The following SLC5A4 variants were observed in gnomAD, a reference collection of about 807,000 sequenced individuals.
SLC5A4 encodes the protein probable glucose sensor protein SLC5A4.
SLC5A4 carries 55 observed loss-of-function variants against 70.3 expected under a neutral mutation model. The ratio of observed to expected loss-of-function variants is 0.78; its 90% CI spans 0.63 to 0.98. The LOEUF is 0.98. Ranked by LOEUF, SLC5A4 falls within the 50% of genes least tolerant of loss-of-function variation. SLC5A4 has a pLI of 0.00. For missense variants in SLC5A4, 735 were observed against 839.2 expected (o/e 0.88, Z 1.53); for synonymous variants, 268 against 305.7 (o/e 0.88, Z 1.29).
At chr22:32,263,784 G>T in the SLC5A4 span, among the ~76,000 whole-genome samples, 1 of 152,168 alleles carries the variant, frequency 6.6e-6, no homozygotes, top group African/African-American at 2.4e-5. Flanking sequence ...CAATAGCAAA[G>T]ACTTGGAACC....
the SLC5A4 span, among the ~76,000 whole-genome samples, chr22:32,326,137 A>G: frequency 6.6e-6 from 1 of 152,216 alleles, no homozygotes; most frequent in Non-Finnish European, 1.5e-5. Context: ...AGACAAAAGC[A>G]GAGGAGTCAT....
At chr22:32,350,095 G>A in the SLC5A4 span, among the ~76,000 whole-genome samples, 1 of 152,060 alleles carries the variant, frequency 6.6e-6, no homozygotes, top group African/African-American at 2.4e-5. Context: ...GGAAAACAGA[G>A]GCTCCTCCTA....
chr22:32,343,681 T>C, the SLC5A4 span, among the ~76,000 whole-genome samples: 11 of 152,196 alleles, frequency 7.2e-5, no homozygotes, highest in African/African-American at 2.7e-4. Flanking sequence ...TTGTGGTCTC[T>C]ACCCAAACTT....
At chr22:32,336,450 G>C in the SLC5A4 span, among the ~76,000 whole-genome samples, 1 of 152,230 alleles carries the variant, frequency 6.6e-6, no homozygotes, top group African/African-American at 2.4e-5. Context: ...ATTCCAAACT[G>C]GCTGGGTGGA....
At chr22:32,317,341 A>G in the SLC5A4 span, among the ~76,000 whole-genome samples, 1 of 151,932 alleles carries the variant, frequency 6.6e-6, no homozygotes, top group Admixed American at 6.5e-5. Flanking sequence ...CCAACTCAAA[A>G]AGAAAAGAAA....
the SLC5A4 span, among the ~76,000 whole-genome samples, chr22:32,339,971 C>A: frequency 6.6e-6 from 1 of 152,244 alleles, no homozygotes; most frequent in Admixed American, 6.5e-5. Context: ...CACAGGGCAG[C>A]TATGCACCCA....
At chr22:32,338,729 A>T in the SLC5A4 span, among the ~76,000 whole-genome samples, 1 of 152,208 alleles carries the variant, frequency 6.6e-6, no homozygotes, top group Non-Finnish European at 1.5e-5. Flanking sequence ...CCCCGAATCC[A>T]GTGCCCTCAA....
the SLC5A4 span, among the ~76,000 whole-genome samples, chr22:32,309,416 G>C: frequency 6.6e-6 from 1 of 152,114 alleles, no homozygotes; most frequent in Non-Finnish European, 1.5e-5. Flanking sequence ...ATGGACAGAA[G>C]CTCACAGCAA....
the SLC5A4 span, among the ~76,000 whole-genome samples, chr22:32,324,655 C>T: frequency 6.6e-6 from 1 of 152,216 alleles, no homozygotes; most frequent in African/African-American, 2.4e-5. Context: ...AGTCCCATGG[C>T]AGAGATGTCC....
chr22:32,347,073 A>C, the SLC5A4 span, among the ~76,000 whole-genome samples: 1 of 152,262 alleles, frequency 6.6e-6, no homozygotes, highest in African/African-American at 2.4e-5. Flanking sequence ...TCAAAAGAAG[A>C]CGTTTATGCA....
chr22:32,308,708 CTGCT>C, the SLC5A4 span, among the ~76,000 whole-genome samples: 1 of 111,686 alleles, frequency 9.0e-6, no homozygotes, highest in Non-Finnish European at 1.9e-5. Context: ...TGCCTACTTG[CTGCT>C]TTCTAGAGCA....
Position 32,229,245 on chromosome 22 carries a change from T to G in SLC5A4, c.1229A>C (p.Tyr410Ser). The G allele has an allele frequency of 1.9e-6, 3 of 1,614,110 alleles. No individual in the cohort carries two copies. Among genetic ancestry groups the G allele is most frequent in the Non-Finnish European group, 2.5e-6 (3 of 1,179,998 alleles). ...CGACGCTTGCTTCCGCATCTTGGTG[T>G]AGAGGTCAATGGTGAAGAGGGTGCT... ...SASTLFTIDL[Y>S]TKMRKQASEK... The change falls in exon 11 of 15, where the codon TAC (tyrosine) becomes TCC (serine). Residue 410 changes from tyrosine (Y) to serine (S), a missense_variant. By Grantham distance (144) the Tyr-to-Ser change is moderately radical. Coordinates refer to ENST00000266086, the MANE Select transcript of SLC5A4 (RefSeq NM_014227.3).
chr22:32,308,077 C>T, the SLC5A4 span, among the ~76,000 whole-genome samples: 1 of 150,530 alleles, frequency 6.6e-6, no homozygotes, highest in African/African-American at 2.5e-5. Context: ...TCCTTCTTAC[C>T]TACCTACCTA....
At chr22:32,349,181 GCCAGGATAGTCTCGATCTCCTGA>G in the SLC5A4 span, among the ~76,000 whole-genome samples, 1 of 152,028 alleles carries the variant, frequency 6.6e-6, no homozygotes, top group Non-Finnish European at 1.5e-5. Flanking sequence ...CACCATTTTA[GCCAGGATAGTCTCGATCTCCTGA>G]CCTCATGATC....
the SLC5A4 span, among the ~76,000 whole-genome samples, chr22:32,280,373 GC>G: frequency 6.6e-6 from 1 of 152,098 alleles, no homozygotes; most frequent in Non-Finnish European, 1.5e-5. Flanking sequence ...AAGGGTGCCT[GC>G]CCACCTCTGG....
At chr22:32,255,706 C>G (rs916176086), upstream of SLC5A4, among the ~76,000 whole-genome samples, 2 of 152,100 alleles carry the variant, frequency 1.3e-5, no homozygotes, top group Non-Finnish European at 2.9e-5. Flanking sequence ...CAGGAGGGAC[C>G]GAATGCAATG....
the SLC5A4 span, among the ~76,000 whole-genome samples, chr22:32,324,940 C>T: frequency 2.6e-5 from 4 of 152,240 alleles, no homozygotes; most frequent in East Asian, 7.7e-4. Flanking sequence ...ATGGCAAGCA[C>T]GCCTTGGTCA....
At chr22:32,290,923 T>G in the SLC5A4 span, among the ~76,000 whole-genome samples, 2 of 152,196 alleles carry the variant, frequency 1.3e-5, no homozygotes, top group Admixed American at 1.3e-4. Context: ...GGTCTTAGGT[T>G]TCAAAATATT....
chr22:32,280,173 G>C, the SLC5A4 span, among the ~76,000 whole-genome samples: 1 of 152,086 alleles, frequency 6.6e-6, no homozygotes, highest in African/African-American at 2.4e-5. Flanking sequence ...GCATCACCAT[G>C]CCTGGCTAAT....
Sources: gnomAD v4.1 joint callset for allele counts (sites outside exome capture counted in the v4.1 genomes callset) on GRCh38, gnomAD v4.1.1 for gene constraint, MANE v1.5 for transcripts, NCBI Gene and HGNC (gene_info 2026-07-23, HGNC 2026-07-21) for gene names.